The following RBMS3 variants were observed in gnomAD, a reference collection of about 807,000 sequenced individuals.
RBMS3 encodes RNA binding motif single stranded interacting protein 3, also known as RNA-binding motif, single-stranded-interacting protein 3.
RBMS3 carries 27 observed loss-of-function variants against 66.8 expected under a neutral mutation model. That is an observed-to-expected ratio of 0.40 (90% CI 0.30 to 0.56). The LOEUF (loss-of-function observed/expected upper bound fraction) is 0.56, where lower values mean the gene tolerates loss of function less well. Among genes scored for constraint, RBMS3 ranks in the 20% least tolerant of loss-of-function variants. The pLI, the probability that RBMS3 is intolerant of heterozygous loss-of-function variation, is 0.40. For synonymous variants in RBMS3, 188 were observed against 183.0 expected, an observed-to-expected ratio of 1.03 and a Z score of -0.22; for missense variants, 513 against 549.5, an observed-to-expected ratio of 0.93 and a Z score of 0.66.
At chr3:29,582,986 T>C (rs920304600) in intron 3 of RBMS3, among the ~76,000 whole-genome samples, 1 of 152,198 alleles carries the variant, frequency 6.6e-6, no homozygotes, top group Admixed American at 6.5e-5. Flanking sequence ...TCTGATTTGG[T>C]AGCTTATCCC....
chr3:29,747,356 A>G (rs985911497), intron 5 of RBMS3, among the ~76,000 whole-genome samples: 3 of 141,520 alleles, frequency 2.1e-5, no homozygotes, highest in African/African-American at 5.0e-5. Context: ...CCTGACATCT[A>G]TCTATCTATC....
intron 3 of RBMS3, among the ~76,000 whole-genome samples, chr3:29,547,280 A>T (rs1005324426): frequency 6.6e-6 from 1 of 152,172 alleles, no homozygotes; most frequent in Non-Finnish European, 1.5e-5. Flanking sequence ...GCCCTTCTTC[A>T]TCCTAAATGA....
chr3:29,731,797 T>C (rs1054955521), intron 4 of RBMS3, among the ~76,000 whole-genome samples: 2 of 152,076 alleles, frequency 1.3e-5, no homozygotes, highest in South Asian at 2.1e-4. Context: ...ACAGAACCAA[T>C]AGGATGTCTC....
intron 4 of RBMS3, among the ~76,000 whole-genome samples, chr3:29,613,103 T>G (rs2048546934): frequency 6.6e-6 from 1 of 152,120 alleles, no homozygotes; most frequent in African/African-American, 2.4e-5. Flanking sequence ...ATTGTTTTCA[T>G]CTTGAAATAC....
chr3:29,917,570 T>C (rs1308394478), intron 10 of RBMS3, among the ~76,000 whole-genome samples: 2 of 151,962 alleles, frequency 1.3e-5, no homozygotes, highest in Admixed American at 6.6e-5. Context: ...GGCCATACAT[T>C]CTATTAAAGA....
At chr3:29,405,216 T>C (rs2039965444) in intron 1 of RBMS3, among the ~76,000 whole-genome samples, 1 of 152,138 alleles carries the variant, frequency 6.6e-6, no homozygotes, top group South Asian at 2.1e-4. Flanking sequence ...ACTTTTATGT[T>C]CTCTCTGAGA....
chr3:29,836,818 T>G (rs1051900323), intron 6 of RBMS3, among the ~76,000 whole-genome samples: 1 of 151,424 alleles, frequency 6.6e-6, no homozygotes, highest in Non-Finnish European at 1.5e-5. Flanking sequence ...AACATCACAT[T>G]GTACACCTTA....
At chr3:29,384,919 A>G (rs2038943123) in intron 1 of RBMS3, among the ~76,000 whole-genome samples, 1 of 152,112 alleles carries the variant, frequency 6.6e-6, no homozygotes, top group Admixed American at 6.5e-5. Flanking sequence ...TGTCACCACA[A>G]TTCCAGCTGT....
chr3:29,779,165 A>G (rs2056530572), intron 6 of RBMS3, among the ~76,000 whole-genome samples: 1 of 151,788 alleles, frequency 6.6e-6, no homozygotes, highest in Non-Finnish European at 1.5e-5. Flanking sequence ...CTGATTTTTA[A>G]TAAGTGGTTC....
chr3:29,734,646 T>A (rs1049280681), intron 4 of RBMS3, among the ~76,000 whole-genome samples: 1 of 152,080 alleles, frequency 6.6e-6, no homozygotes, highest in Non-Finnish European at 1.5e-5. Context: ...ATAGTAGGAA[T>A]ATATTCCCAT....
At chr3:29,627,396 G>A (rs937432887) in intron 4 of RBMS3, among the ~76,000 whole-genome samples, 13 of 152,036 alleles carry the variant, frequency 8.6e-5, no homozygotes, top group Middle Eastern at 3.4e-3. Context: ...TGGTTGTAGG[G>A]GGCTGTCTTT....
At chr3:29,462,153 T>C (rs2042394276) in intron 2 of RBMS3, among the ~76,000 whole-genome samples, 1 of 152,058 alleles carries the variant, frequency 6.6e-6, no homozygotes, top group African/African-American at 2.4e-5. Context: ...ATGTGAAGAA[T>C]TATACTCATG....
intron 3 of RBMS3, chr3:29,526,336 C>G (rs1035226486): frequency 6.6e-6 from 1 of 151,574 alleles, no homozygotes; most frequent in South Asian, 2.1e-4. Flanking sequence ...CTGGCTAACA[C>G]GGTGAAACCC....
intron 1 of RBMS3, among the ~76,000 whole-genome samples, chr3:29,387,984 C>T (rs1324391916): frequency 6.6e-6 from 1 of 152,012 alleles, no homozygotes; most frequent in African/African-American, 2.4e-5. Context: ...TCCTACCACT[C>T]CCACCCTCAT....
intron 6 of RBMS3, among the ~76,000 whole-genome samples, chr3:29,800,439 G>T (rs979818986): frequency 6.6e-6 from 1 of 152,102 alleles, no homozygotes; most frequent in Admixed American, 6.5e-5. Flanking sequence ...TACAGATAAA[G>T]TTTGAATGAC....
intron 4 of RBMS3, among the ~76,000 whole-genome samples, chr3:29,644,988 G>T (rs1559533024): frequency 6.6e-6 from 1 of 152,102 alleles, no homozygotes; most frequent in Non-Finnish European, 1.5e-5. Flanking sequence ...GCTTAACCAT[G>T]GTTCACTTCT....
At position 29,852,178 on chromosome 3, in the gene RBMS3, T is replaced by C. The variant is rs915252995; in HGVS notation, c.638-16680T>C. Among the ~76,000 whole-genome samples the C allele has an allele frequency of 2.6e-5, 4 of 152,148 alleles. No homozygotes were observed. In the South Asian group the frequency reaches 8.3e-4, roughly 32 times the overall value. ...CCTTACACCATATACAAAAATTAAC[T>C]CCAGATGGATTAAAGACTTAAAGGT... On this transcript the variant is annotated intron_variant, in intron 6 of 14. Transcript: ENST00000383767.
Position 29,486,120 on chromosome 3 carries a change from T to C in RBMS3, c.249-2321T>C, listed in dbSNP as rs182575265. ...GGGTCTCGTGTTTATGGTGGTTACG[T>C]CTTTAAAAAAAATCTAAACCTTATT... On this transcript the variant is annotated intron_variant, in intron 2 of 14. Coordinates refer to ENST00000383767, the MANE Select transcript of RBMS3 (RefSeq NM_001003793.3). Among the ~76,000 whole-genome samples the C allele has an allele frequency of 5.7e-3, 864 of 152,208 alleles. 4 individuals carry two copies. Among genetic ancestry groups the C allele is most frequent in the Non-Finnish European group, 9.0e-3 (613 of 67,986 alleles).
At chr3:29,614,125 T>C (rs2048579425) in intron 4 of RBMS3, among the ~76,000 whole-genome samples, 1 of 152,038 alleles carries the variant, frequency 6.6e-6, no homozygotes, top group Admixed American at 6.6e-5. Context: ...ATATACACAG[T>C]GGAATACTAT....
Sources: allele counts gnomAD v4.1 joint callset (sites outside exome capture counted in the v4.1 genomes callset), GRCh38; gene constraint gnomAD v4.1.1; transcripts MANE v1.5; gene names NCBI Gene and HGNC (gene_info 2026-07-23, HGNC 2026-07-21).